Variants in PRELID2 observed in about 807,000 individuals in gnomAD.
PRELID2 encodes the protein PRELI domain-containing protein 2.
In PRELID2, 25 loss-of-function variants were observed where a neutral mutation model predicts 28.4. The ratio of observed to expected loss-of-function variants is 0.88; its 90% confidence interval spans 0.64 to 1.23. The LOEUF (loss-of-function observed/expected upper bound fraction) is 1.23. Ranked by LOEUF, PRELID2 falls within the 50% of genes most tolerant of loss-of-function variation. The pLI is 0.00. For synonymous variants in PRELID2, 76 were observed against 71.6 expected, an observed-to-expected ratio of 1.06 and a Z score of -0.31; for missense variants, 201 against 214.4, an observed-to-expected ratio of 0.94 and a Z score of 0.39.
At chr5:145,404,358 G>T in the PRELID2 span, among the ~76,000 whole-genome samples, 16 of 152,184 alleles carry the variant, frequency 1.1e-4, no homozygotes, top group African/African-American at 3.6e-4. Flanking sequence ...GAGACTGTGG[G>T]ATCAAATAGA....
chr5:145,473,557 T>C (rs1322136995), intron 1 of PRELID2, among the ~76,000 whole-genome samples: 1 of 152,180 alleles, frequency 6.6e-6, no homozygotes, highest in East Asian at 1.9e-4. Flanking sequence ...AGAGCAACAC[T>C]GTTAACACCA....
chr5:145,391,977 T>C, the PRELID2 span, among the ~76,000 whole-genome samples: 5 of 152,180 alleles, frequency 3.3e-5, no homozygotes, highest in Non-Finnish European at 7.3e-5. Context: ...ACTTTGGTCA[T>C]TGCCATCCAA....
chr5:145,588,003 T>A (rs1008264274), intron 1 of PRELID2, among the ~76,000 whole-genome samples: 3 of 152,130 alleles, frequency 2.0e-5, no homozygotes, highest in African/African-American at 7.2e-5. Context: ...TTTGCCTGCT[T>A]ACTAGGATTT....
At chr5:145,599,981 C>T (rs2149637004) in intron 1 of PRELID2, among the ~76,000 whole-genome samples, 1 of 152,054 alleles carries the variant, frequency 6.6e-6, no homozygotes, top group East Asian at 1.9e-4. Context: ...TAACAAAAAC[C>T]AAAGAGAGCA....
In PRELID2 at chr5:145,596,099, C is replaced by CAAAAAAA. The variant is rs552746530; in HGVS notation, n.71-122791_71-122785dup. 6.6e-3 allele frequency among the ~76,000 whole-genome samples: 289 copies of CAAAAAAA among 43,944 alleles called. 18 individuals are homozygous for CAAAAAAA. The highest frequency in any genetic ancestry group is 0.026 in the African/African-American group (275 of 10,382). The allele number at this position is 43,944 out of a possible 152,430, so 28.8% of individuals were successfully genotyped here. A position where few individuals can be genotyped will look rare whatever the true frequency, so the allele number is the denominator to read the frequency against. ...TGGGTGACAGAGTGAGAGCCTGTCT[C>CAAAAAAA]AAAAAAAAAAAAAAAAAAAAGTCTG... On this transcript the variant is annotated intron_variant and non_coding_transcript_variant, in intron 1 of 2. Transcript: ENST00000510259.
At chr5:145,740,845 A>AATATATATGTACATATATTTATCGAT (rs1561566849) in intron 1 of PRELID2, among the ~76,000 whole-genome samples, 3 of 36,038 alleles carry the variant, frequency 8.3e-5, no homozygotes, top group African/African-American at 1.6e-4. Context: ...TTTATCGATA[A>AATATATATGTACATATATTTATCGAT]ATATATATGT....
chr5:145,311,852 T>C, the PRELID2 span, among the ~76,000 whole-genome samples: 14 of 152,122 alleles, frequency 9.2e-5, no homozygotes, highest in Non-Finnish European at 1.8e-4. Context: ...CTGAGTAAAA[T>C]GCAGATTCTC....
In PRELID2 at chr5:145,653,618, T is replaced by G. The variant is rs527679564; in HGVS notation, n.70+111313A>C. Among the ~76,000 whole-genome samples the G allele has an allele frequency of 3.9e-5, 6 of 152,230 alleles. No homozygotes were observed. The East Asian group carries it at 1.2e-3, about 29-fold the overall frequency. ...ACTCACTCAAAACCACTCAACTACG[T>G]GAAAACTGAACAATCTGCTCCTGAA... is the stretch of plus-strand genomic sequence containing the variant. On this transcript the variant is annotated intron_variant and non_coding_transcript_variant, in intron 1 of 2. Transcript: ENST00000510259.
At chr5:145,823,213 G>T in intron 1 of PRELID2, 79 bp from the exon 2 acceptor site, 1 of 675,096 alleles carries the variant, frequency 1.5e-6, no homozygotes. Context: ...ACAGCTGTCT[G>T]CAGGACTAGT....
At chr5:145,589,971 T>C (rs1753205756) in intron 1 of PRELID2, among the ~76,000 whole-genome samples, 1 of 152,198 alleles carries the variant, frequency 6.6e-6, no homozygotes, top group South Asian at 2.1e-4. Context: ...AGATGATGCA[T>C]TCTTTAATAT....
chr5:145,331,052 A>G, the PRELID2 span, among the ~76,000 whole-genome samples: 1 of 152,208 alleles, frequency 6.6e-6, no homozygotes, highest in African/African-American at 2.4e-5. Flanking sequence ...ATTTAGGACC[A>G]GGTTGTTCAG....
In PRELID2 at chr5:145,759,067, C is replaced by T. The variant is rs1333948169; in HGVS notation, c.*1469G>A. ...CCAGGCTGGGGTGCAGTGGCACAATCTCAGCTTACTGCAACCTTCACCTCC... is the reference window on the plus strand; with the variant it reads ...CCAGGCTGGGGTGCAGTGGCACAATTTCAGCTTACTGCAACCTTCACCTCC... On this transcript the variant is annotated 3_prime_UTR_variant, in exon 7 of 7. Transcript: ENST00000683046. The T allele has an allele frequency of 7.9e-6, 1 of 125,816 alleles. No individual in the cohort carries two copies. The highest frequency in any genetic ancestry group is 3.0e-5 in the African/African-American group (1 of 33,210). 7.8% of individuals were successfully genotyped at this position (125,816 alleles called of 1,614,324 possible).
At chr5:145,252,382 C>T in the PRELID2 span, among the ~76,000 whole-genome samples, 3 of 152,024 alleles carry the variant, frequency 2.0e-5, no homozygotes, top group Non-Finnish European at 2.9e-5. Context: ...AGCTCAAATG[C>T]CAGCTCTGCC....
the PRELID2 span, among the ~76,000 whole-genome samples, chr5:145,379,885 G>T: frequency 6.6e-6 from 1 of 152,126 alleles, no homozygotes; most frequent in African/African-American, 2.4e-5. Context: ...GTCCAGGCTA[G>T]ATCCCCAGGA....
chr5:145,460,042 C>A, the PRELID2 span, among the ~76,000 whole-genome samples: 8 of 152,120 alleles, frequency 5.3e-5, no homozygotes, highest in Non-Finnish European at 8.8e-5. Context: ...AACTCCTGAC[C>A]TCGTGATCCT....
At chr5:145,254,516 T>A in the PRELID2 span, among the ~76,000 whole-genome samples, 1 of 151,970 alleles carries the variant, frequency 6.6e-6, no homozygotes, top group South Asian at 2.1e-4. Context: ...GAAGAGAAAG[T>A]GGTGACTCTG....
At chr5:145,587,414 C>T (rs553803690) in intron 1 of PRELID2, among the ~76,000 whole-genome samples, 53 of 152,156 alleles carry the variant, frequency 3.5e-4, no homozygotes, top group African/African-American at 1.2e-3. Flanking sequence ...AGAAAGATGC[C>T]GATGTCGAAT....
chr5:145,412,570 GTC>G, the PRELID2 span, among the ~76,000 whole-genome samples: 1 of 152,242 alleles, frequency 6.6e-6, no homozygotes, highest in East Asian at 1.9e-4. Flanking sequence ...ATTTCTTCAA[GTC>G]TCTAGGAAGT....
the PRELID2 span, among the ~76,000 whole-genome samples, chr5:145,258,051 C>G: frequency 2.0e-5 from 3 of 152,322 alleles, no homozygotes; most frequent in South Asian, 2.1e-4. Context: ...TGTAAGGCAA[C>G]TTTTCTTTCT....
Sources: gnomAD v4.1 joint callset for allele counts (sites outside exome capture counted in the v4.1 genomes callset) on GRCh38, gnomAD v4.1.1 for gene constraint, MANE v1.5 for transcripts, NCBI Gene and HGNC (gene_info 2026-07-23, HGNC 2026-07-21) for gene names.